PSTPIP2: variants seen among roughly 807,000 people sequenced by gnomAD.
The protein encoded by PSTPIP2 is proline-serine-threonine phosphatase interacting protein 2.
A neutral mutation model predicts 63.3 loss-of-function variants in PSTPIP2; 33 were observed. That is an observed-to-expected ratio of 0.52 (90% confidence interval 0.40 to 0.70). The LOEUF (loss-of-function observed/expected upper bound fraction) is 0.70. PSTPIP2 is among the 30% of genes least tolerant of loss of function. The pLI is 0.00. For synonymous variants in PSTPIP2, 125 were observed against 132.7 expected, an observed-to-expected ratio of 0.94 and a Z score of 0.40; for missense variants, 312 against 400.7, an observed-to-expected ratio of 0.78 and a Z score of 1.89.
chr18:46,022,713 G>C (rs766052048), intron 3 of PSTPIP2, among the ~76,000 whole-genome samples: 1 of 152,118 alleles, frequency 6.6e-6, no homozygotes, highest in Non-Finnish European at 1.5e-5. Context: ...TGTGTAAGAC[G>C]GAGTGTATTG....
At chr18:46,028,609 C>T (rs2144100384) in intron 2 of PSTPIP2, 4 of 792,128 alleles carry the variant, frequency 5.0e-6, no homozygotes, top group Non-Finnish European at 8.7e-6. Flanking sequence ...GGTAATTGTG[C>T]ACCTCAAAAG....
At chr18:46,044,665 A>C (rs1267418024) in intron 1 of PSTPIP2, among the ~76,000 whole-genome samples, 2 of 152,040 alleles carry the variant, frequency 1.3e-5, no homozygotes, top group African/African-American at 4.8e-5. Flanking sequence ...AATGGGATCT[A>C]ATTCAACTAA....
intron 5 of PSTPIP2, among the ~76,000 whole-genome samples, chr18:46,009,362 T>TAAAAAAAAAAA (rs749693553): frequency 2.1e-5 from 1 of 46,818 alleles, no homozygotes; most frequent in African/African-American, 1.0e-4. Context: ...TTTTATGGTG[T>TAAAAAAAAAAA]AAAAAAAAAA....
chr18:45,985,131 C>CACCTCTGCTCCT lies in PSTPIP2; in HGVS notation c.*316_*327dup, dbSNP rs1196793422. ...TTGGTGGCTCAGAATCCTCTGCTGC[C>CACCTCTGCTCCT]ACCTCTGCTCCTCAAGTGGATGCTC... On this transcript the variant is annotated 3_prime_UTR_variant, in exon 15 of 15. Transcript: ENST00000409746. The CACCTCTGCTCCT allele has an allele frequency of 5.6e-6, 2 of 355,064 alleles. No homozygotes were observed. Among genetic ancestry groups the CACCTCTGCTCCT allele is most frequent in the Admixed American group, 4.6e-5 (1 of 21,870 alleles). The allele number at this position is 355,064 out of a possible 1,614,324, so 22.0% of individuals were successfully genotyped here. A position where few individuals can be genotyped will look rare whatever the true frequency, so the allele number is the denominator to read the frequency against.
chr18:46,023,724 C>T (rs1907467924), intron 3 of PSTPIP2, among the ~76,000 whole-genome samples: 2 of 151,916 alleles, frequency 1.3e-5, no homozygotes, highest in East Asian at 3.9e-4. Flanking sequence ...GACCTCTGGG[C>T]ATCTCTGCTA....
At chr18:46,012,604 T>C (rs1320161003) in intron 4 of PSTPIP2, among the ~76,000 whole-genome samples, 1 of 152,080 alleles carries the variant, frequency 6.6e-6, no homozygotes, top group African/African-American at 2.4e-5. Context: ...AAACCCCGTC[T>C]CTACTAAAAA....
chr18:46,000,748 C>T (rs1371537887), intron 6 of PSTPIP2, among the ~76,000 whole-genome samples: 1 of 152,144 alleles, frequency 6.6e-6, no homozygotes, highest in African/African-American at 2.4e-5. Flanking sequence ...ACCATTGCCA[C>T]CAGTATTATG....
chr18:46,006,306 G>A (rs1345360467), intron 5 of PSTPIP2, among the ~76,000 whole-genome samples: 6 of 149,756 alleles, frequency 4.0e-5, no homozygotes, highest in African/African-American at 7.4e-5. Flanking sequence ...CACCCAGCTC[G>A]GCCTCCCAAA....
intron 6 of PSTPIP2, among the ~76,000 whole-genome samples, chr18:46,003,800 G>C (rs2051695976): frequency 6.7e-6 from 1 of 149,452 alleles, no homozygotes; most frequent in Admixed American, 6.6e-5. Context: ...TGTTGCCCAG[G>C]CTGGAGTATG....
chr18:46,066,895 C>T (rs1017403064), intron 1 of PSTPIP2, among the ~76,000 whole-genome samples: 4 of 151,970 alleles, frequency 2.6e-5, no homozygotes, highest in Non-Finnish European at 4.4e-5. Flanking sequence ...GGCGTGGTGG[C>T]GCATGCCTGT....
intron 14 of PSTPIP2, among the ~76,000 whole-genome samples, chr18:45,988,289 G>T (rs1314279573): frequency 8.2e-6 from 1 of 122,372 alleles, no homozygotes; most frequent in Non-Finnish European, 1.6e-5. Context: ...AAAAATATTA[G>T]CTGGGTGTGG....
intron 2 of PSTPIP2, chr18:46,029,819 A>AGG (rs1907723244): frequency 2.2e-6 from 1 of 464,644 alleles, no homozygotes; most frequent in African/African-American, 2.0e-5. Flanking sequence ...TTGGGGAATG[A>AGG]AAAGGGCAAG....
chr18:46,069,161 A>G (rs2144141191), intron 1 of PSTPIP2, among the ~76,000 whole-genome samples: 1 of 152,300 alleles, frequency 6.6e-6, no homozygotes, highest in Non-Finnish European at 1.5e-5. Flanking sequence ...CCCAGGGGTG[A>G]GAGAACACTG....
chr18:46,044,228 C>T (rs9964286), intron 1 of PSTPIP2, among the ~76,000 whole-genome samples: 1 of 152,200 alleles, frequency 6.6e-6, no homozygotes, highest in African/African-American at 2.4e-5. Context: ...AAGAACAAAG[C>T]TGGAGGCATC....
intron 3 of PSTPIP2, among the ~76,000 whole-genome samples, chr18:46,024,043 T>C (rs1167212330): frequency 1.3e-5 from 2 of 152,044 alleles, no homozygotes; most frequent in African/African-American, 2.4e-5. Context: ...TTTTTCACAA[T>C]TGAAAATAAT....
At chr18:46,046,908 AGG>A (rs1908402656) in intron 1 of PSTPIP2, among the ~76,000 whole-genome samples, 1 of 152,270 alleles carries the variant, frequency 6.6e-6, no homozygotes, top group Non-Finnish European at 1.5e-5. Context: ...GCCTGGGCAC[AGG>A]GTGCATAAGT....
chr18:46,053,378 T>C (rs1200478474), intron 1 of PSTPIP2, among the ~76,000 whole-genome samples: 1 of 152,222 alleles, frequency 6.6e-6, no homozygotes, highest in East Asian at 1.9e-4. Context: ...ATTTCAGAAT[T>C]AAGCAAGTCT....
At chr18:46,027,377 C>T (rs1907620570) in intron 2 of PSTPIP2, among the ~76,000 whole-genome samples, 4 of 150,044 alleles carry the variant, frequency 2.7e-5, no homozygotes, top group African/African-American at 7.4e-5. Flanking sequence ...AAGAATAAGA[C>T]CATATGCCAC....
At chr18:45,996,613 G>A (rs1377376128) in intron 9 of PSTPIP2, among the ~76,000 whole-genome samples, 2 of 151,644 alleles carry the variant, frequency 1.3e-5, no homozygotes, top group Non-Finnish European at 2.9e-5. Flanking sequence ...GAAATTGAAG[G>A]TATGAGGAGA....
Sources: gnomAD v4.1 joint callset for allele counts (sites outside exome capture counted in the v4.1 genomes callset) on GRCh38, gnomAD v4.1.1 for gene constraint, MANE v1.5 for transcripts, NCBI Gene and HGNC (gene_info 2026-07-23, HGNC 2026-07-21) for gene names.